Variants in ITPRID1 observed in about 807,000 individuals in gnomAD.
The protein encoded by ITPRID1 is ITPR interacting domain containing 1, also known as protein ITPRID1.
ITPRID1 carries 96 observed loss-of-function variants against 95.4 expected under a neutral mutation model. The observed-to-expected ratio is 1.01, with a 90% CI of 0.85 to 1.19. The LOEUF (loss-of-function observed/expected upper bound fraction) is 1.19, where lower values mean the gene tolerates loss of function less well. ITPRID1 is among the 50% of genes most tolerant of loss of function. The probability of loss-of-function intolerance (pLI) is 0.00; values close to 1 mark genes in which losing one functional copy is unlikely to be tolerated. For synonymous variants in ITPRID1, 510 were observed against 453.6 expected, an observed-to-expected ratio of 1.12 and a Z score of -1.58; for missense variants, 1,339 against 1,252.9, an observed-to-expected ratio of 1.07 and a Z score of -1.04.
intron 1 of ITPRID1, among the ~76,000 whole-genome samples, chr7:31,526,368 CA>C (rs1230377764): frequency 6.6e-6 from 1 of 152,152 alleles, no homozygotes; most frequent in African/African-American, 2.4e-5. Flanking sequence ...CTCTAGGAGT[CA>C]GATAGGCCTA....
At chr7:31,590,826 T>G (rs1785833927) in intron 10 of ITPRID1, among the ~76,000 whole-genome samples, 1 of 152,246 alleles carries the variant, frequency 6.6e-6, no homozygotes, top group African/African-American at 2.4e-5. Flanking sequence ...GTGTTTCACA[T>G]GCTTTACTTC....
chr7:31,601,886 C>A (rs1456515506), intron 10 of ITPRID1, among the ~76,000 whole-genome samples: 1 of 152,164 alleles, frequency 6.6e-6, no homozygotes, highest in African/African-American at 2.4e-5. Context: ...GTGGCCCTGT[C>A]CCTTGGCTTA....
At chr7:31,556,359 A>G (rs1047211717) in intron 5 of ITPRID1, among the ~76,000 whole-genome samples, 1 of 152,120 alleles carries the variant, frequency 6.6e-6, no homozygotes, top group Admixed American at 6.6e-5. Flanking sequence ...GCCCTTTCTC[A>G]TCGATCATAT....
At chr7:31,629,151 AT>A (rs755555905) in intron 10 of ITPRID1, among the ~76,000 whole-genome samples, 1 of 152,216 alleles carries the variant, frequency 6.6e-6, no homozygotes, top group Non-Finnish European at 1.5e-5. Context: ...CTAAATTAAA[AT>A]TTGTCATTGC....
intron 1 of ITPRID1, among the ~76,000 whole-genome samples, chr7:31,516,585 C>T (rs1285046099): frequency 6.6e-6 from 1 of 152,092 alleles, no homozygotes; most frequent in Non-Finnish European, 1.5e-5. Context: ...TAGTTGGCAG[C>T]ACCCAGATTT....
intron 5 of ITPRID1, among the ~76,000 whole-genome samples, chr7:31,566,209 T>TA (rs2128141534): frequency 6.6e-6 from 1 of 152,330 alleles, no homozygotes; most frequent in Admixed American, 6.5e-5. Flanking sequence ...TCTGCAGGGC[T>TA]AGGGTTTTTG....
chr7:31,524,380 A>G (rs1783360028), intron 1 of ITPRID1, among the ~76,000 whole-genome samples: 1 of 152,178 alleles, frequency 6.6e-6, no homozygotes, highest in South Asian at 2.1e-4. Flanking sequence ...TTTCCCCCAA[A>G]CATTCATTTG....
In ITPRID1 at chr7:31,642,764, C is replaced by G. The variant is rs1473052196; in HGVS notation, c.1394C>G (p.Ser465Cys). Reference protein sequence around the residue: ...PRDQSHSLVSSQDCQLESDGP... With the variant: ...PRDQSHSLVSCQDCQLESDGP... The stretch of plus-strand genomic sequence containing the variant: ...GATCAGAGCCACAGCTTAGTATCAT[C>G]CCAGGACTGTCAGCTAGAGTCGGAT... The change falls in exon 12 of 15, where the codon TCC becomes TGC. Residue 465 changes from serine to cysteine, a missense_variant. By Grantham distance (112) the Ser-to-Cys change is moderately radical. Coordinates refer to ENST00000615280, the MANE Select transcript of ITPRID1 (RefSeq NM_001257967.3). The G allele has an allele frequency of 6.2e-7, 1 of 1,613,872 alleles. No individual in the cohort carries two copies. The highest frequency in any genetic ancestry group is 1.3e-5 in the African/African-American group (1 of 74,930).
chr7:31,591,746 A>T (rs1029770102), intron 10 of ITPRID1, among the ~76,000 whole-genome samples: 1 of 152,194 alleles, frequency 6.6e-6, no homozygotes, highest in African/African-American at 2.4e-5. Flanking sequence ...GGTTAAAAGC[A>T]GTTGTCTTTG....
chr7:31,517,212 G>A (rs1783072567), intron 1 of ITPRID1, among the ~76,000 whole-genome samples: 1 of 152,088 alleles, frequency 6.6e-6, no homozygotes, highest in African/African-American at 2.4e-5. Context: ...TTTGCAGAGA[G>A]CTGATTGGTC....
chr7:31,656,168 G>T lies in ITPRID1; in HGVS notation c.*3339G>T, dbSNP rs775024554. On this transcript the variant is annotated 3_prime_UTR_variant, in exon 15 of 15. Transcript: ENST00000615280. Reference sequence around the variant, plus strand: ...AAACACTGAAAACCTCCTGTCTTGTGTTACCATTATCTGTGTAGGTCATAT... The same window carrying T: ...AAACACTGAAAACCTCCTGTCTTGTTTTACCATTATCTGTGTAGGTCATAT... The T allele has an allele frequency of 9.4e-6, 3 of 319,448 alleles. No individual in the cohort carries two copies. Among genetic ancestry groups the T allele is most frequent in the Non-Finnish European group, 1.4e-5 (3 of 221,558 alleles). The allele number at this position is 319,448 out of a possible 1,614,324, so 19.8% of individuals were successfully genotyped here.
intron 1 of ITPRID1, among the ~76,000 whole-genome samples, chr7:31,525,629 T>TA (rs1370441641): frequency 2.0e-5 from 3 of 152,166 alleles, no homozygotes; most frequent in African/African-American, 7.2e-5. Context: ...TGGGAGGACT[T>TA]ACTGTGATGA....
At position 31,643,280 on chromosome 7, in the gene ITPRID1, A is replaced by G. The variant is rs536961507; in HGVS notation, c.1910A>G (p.Glu637Gly). Residue 637 changes from glutamate (E) to glycine (G), a missense_variant, in exon 12 of 15, where the codon GAA becomes GGA. Glu to Gly is a moderately conservative substitution (Grantham distance 98). Coordinates refer to ENST00000615280, the MANE Select transcript of ITPRID1 (RefSeq NM_001257967.3). Reference sequence around the variant, plus strand: ...ACCAACCACAGCTTACTCGTACCAGAAAGCTCATCACAGTGTATCCCCAAG... The same window carrying G: ...ACCAACCACAGCTTACTCGTACCAGGAAGCTCATCACAGTGTATCCCCAAG... ...PHTNHSLLVP[E>G]SSSQCIPKHS... 92 of 1,613,836 alleles carry G rather than the reference A, an allele frequency of 5.7e-5. No individual in the cohort carries two copies. In the South Asian group the frequency reaches 6.4e-4, roughly 11 times the overall value.
At chr7:31,599,623 TTC>T (rs1491182284) in intron 10 of ITPRID1, among the ~76,000 whole-genome samples, 3,147 of 61,472 alleles carry the variant, frequency 0.051, 235 homozygotes, top group African/African-American at 0.12. Flanking sequence ...CTTTCTTTCT[TTC>T]TTTCTTTCTT....
At chr7:31,606,466 A>T (rs1453227908) in intron 10 of ITPRID1, among the ~76,000 whole-genome samples, 1 of 152,088 alleles carries the variant, frequency 6.6e-6, no homozygotes, top group African/African-American at 2.4e-5. Context: ...AACGAGAGAG[A>T]GAGAGAGGAA....
chr7:31,636,235 G>A (rs116312215), intron 10 of ITPRID1, among the ~76,000 whole-genome samples: 5,912 of 152,192 alleles, frequency 0.039, 404 homozygotes, highest in African/African-American at 0.14. Flanking sequence ...GATGAAATTT[G>A]GGTGGGGACA....
At chr7:31,644,584 C>T (rs570017196) in intron 12 of ITPRID1, among the ~76,000 whole-genome samples, 14 of 152,278 alleles carry the variant, frequency 9.2e-5, no homozygotes, top group African/African-American at 3.4e-4. Flanking sequence ...GGCTTTTGGT[C>T]TACCTTTGCT....
At chr7:31,612,755 C>A (rs997398154) in intron 10 of ITPRID1, among the ~76,000 whole-genome samples, 3 of 152,076 alleles carry the variant, frequency 2.0e-5, no homozygotes, top group African/African-American at 7.2e-5. Flanking sequence ...GTTTGTGCAG[C>A]CTCGAGGTCT....
chr7:31,650,304 G>A (rs1790835832), intron 12 of ITPRID1, among the ~76,000 whole-genome samples: 1 of 152,136 alleles, frequency 6.6e-6, no homozygotes, highest in Admixed American at 6.5e-5. Context: ...GCTTTTTATT[G>A]GGGGATGGGG....
Sources: gnomAD v4.1 joint callset for allele counts (sites outside exome capture counted in the v4.1 genomes callset) on GRCh38, gnomAD v4.1.1 for gene constraint, MANE v1.5 for transcripts, NCBI Gene and HGNC (gene_info 2026-07-23, HGNC 2026-07-21) for gene names.